Variants in MDGA2 observed in about 807,000 individuals in gnomAD.
MDGA2 encodes MAM domain containing glycosylphosphatidylinositol anchor 2.
Under a neutral mutation model 117.8 loss-of-function variants are expected in MDGA2, and 40 were observed. The observed-to-expected ratio is 0.34, with a 90% confidence interval of 0.26 to 0.44. The LOEUF is 0.44. Ranked by LOEUF, MDGA2 falls within the 20% of genes least tolerant of loss-of-function variation. The pLI, the probability that MDGA2 is intolerant of heterozygous loss-of-function variation, is 1.00. For synonymous variants in MDGA2, 452 were observed against 439.0 expected, an observed-to-expected ratio of 1.03 and a Z score of -0.37; for missense variants, 1,123 against 1,250.6, an observed-to-expected ratio of 0.90 and a Z score of 1.54.
chr14:47,211,930 TCAC>T (rs1885898330), intron 3 of MDGA2, among the ~76,000 whole-genome samples: 2 of 152,224 alleles, frequency 1.3e-5, no homozygotes, highest in Admixed American at 1.3e-4. Context: ...AATTAAATTG[TCAC>T]TTTGTCTTCT....
intron 3 of MDGA2, among the ~76,000 whole-genome samples, chr14:47,197,177 T>C (rs1386836440): frequency 6.6e-6 from 1 of 152,188 alleles, no homozygotes; most frequent in East Asian, 1.9e-4. Flanking sequence ...TTTATAAAGG[T>C]TCATTGCTGC....
chr14:47,002,210 A>C (rs536600456), intron 8 of MDGA2, among the ~76,000 whole-genome samples: 1 of 152,294 alleles, frequency 6.6e-6, no homozygotes, highest in South Asian at 2.1e-4. Context: ...AAACTTACAA[A>C]AACAAGGATA....
intron 1 of MDGA2, among the ~76,000 whole-genome samples, chr14:47,435,788 C>T (rs1892884726): frequency 6.6e-6 from 1 of 152,090 alleles, no homozygotes; most frequent in Non-Finnish European, 1.5e-5. Flanking sequence ...TCCACTCCCT[C>T]ATGACCAGGT....
intron 9 of MDGA2, among the ~76,000 whole-genome samples, chr14:46,926,325 AAAT>A (rs1346187172): frequency 6.6e-6 from 1 of 152,198 alleles, no homozygotes; most frequent in Non-Finnish European, 1.5e-5. Flanking sequence ...AAAGTATCAA[AAAT>A]AATAAAACCT....
intron 1 of MDGA2, among the ~76,000 whole-genome samples, chr14:47,339,806 C>A (rs1488019443): frequency 6.6e-6 from 1 of 152,088 alleles, no homozygotes; most frequent in African/African-American, 2.4e-5. Flanking sequence ...CACAAACAGA[C>A]TAAGACATAC....
At chr14:47,041,889 G>C (rs1040644660) in intron 7 of MDGA2, among the ~76,000 whole-genome samples, 9 of 151,876 alleles carry the variant, frequency 5.9e-5, no homozygotes, top group African/African-American at 2.2e-4. Flanking sequence ...GCTTTTAATG[G>C]AATTATTGGT....
chr14:47,086,114 G>GTTT (rs1890889449), intron 6 of MDGA2, among the ~76,000 whole-genome samples: 1 of 120,498 alleles, frequency 8.3e-6, no homozygotes, highest in Non-Finnish European at 1.9e-5. Context: ...TTTGTTTTTT[G>GTTT]TTTTTTGTTT....
At chr14:47,300,643 C>T (rs1341573177) in intron 2 of MDGA2, among the ~76,000 whole-genome samples, 1 of 151,714 alleles carries the variant, frequency 6.6e-6, no homozygotes, top group Non-Finnish European at 1.5e-5. Flanking sequence ...GTGTGCAACA[C>T]CAGGCCCAGA....
chr14:47,515,676 C>T (rs2138702391), intron 1 of MDGA2, among the ~76,000 whole-genome samples: 1 of 152,038 alleles, frequency 6.6e-6, no homozygotes, highest in South Asian at 2.1e-4. Context: ...CCACGGTGGG[C>T]AAGTCTAGAA....
intron 3 of MDGA2, among the ~76,000 whole-genome samples, chr14:47,148,573 C>T (rs747471155): frequency 1.3e-5 from 2 of 152,148 alleles, no homozygotes; most frequent in Non-Finnish European, 2.9e-5. Flanking sequence ...ATACTGATAT[C>T]CAGGTCAATC....
chr14:47,106,677 G>A (rs12431685), intron 5 of MDGA2, among the ~76,000 whole-genome samples: 61,583 of 151,326 alleles, frequency 0.41, 13,077 homozygotes, highest in African/African-American at 0.54. Flanking sequence ...CGATCGCCTC[G>A]GAAGCCCCCT....
At chr14:47,523,554 T>C (rs571955227) in intron 1 of MDGA2, among the ~76,000 whole-genome samples, 1 of 152,242 alleles carries the variant, frequency 6.6e-6, no homozygotes, top group African/African-American at 2.4e-5. Context: ...CATGGAATCT[T>C]CAGGTTGTCT....
chr14:47,619,386 AT>A (rs557840858), intron 1 of MDGA2, among the ~76,000 whole-genome samples: 112 of 152,280 alleles, frequency 7.4e-4, no homozygotes, highest in African/African-American at 2.6e-3. Flanking sequence ...TGGATAGCTT[AT>A]TTTTTTGAAT....
Position 47,119,190 on chromosome 14 carries a change from C to T in MDGA2, c.925+12524G>A, listed in dbSNP as rs6572406. Among the ~76,000 whole-genome samples, 3 of 74,686 alleles carry T rather than the reference C, an allele frequency of 4.0e-5. 1 individual carries two copies. The highest frequency in any genetic ancestry group is 6.1e-4 in the South Asian group (1 of 1,648). 49.0% of individuals were successfully genotyped at this position (74,686 alleles called of 152,430 possible). On this transcript the variant is annotated intron_variant, in intron 5 of 16. Coordinates refer to ENST00000399232, the MANE Select transcript of MDGA2 (RefSeq NM_001113498.3). ...CTCAGCCCCGCCCCCCCCCCCCCAC[C>T]CCGTAGCTGGGACTACAGGCACCCG...
intron 10 of MDGA2, among the ~76,000 whole-genome samples, chr14:46,910,762 G>A (rs1459837699): frequency 6.6e-6 from 1 of 152,174 alleles, no homozygotes; most frequent in Non-Finnish European, 1.5e-5. Flanking sequence ...ACCAATGGTA[G>A]ACTGGATAAA....
chr14:47,539,053 T>C (rs1456142219), intron 1 of MDGA2, among the ~76,000 whole-genome samples: 1 of 152,164 alleles, frequency 6.6e-6, no homozygotes, highest in Non-Finnish European at 1.5e-5. Context: ...TCCACATTTG[T>C]CTAGCCTAGT....
Position 47,202,541 on chromosome 14 carries a change from CG to C in MDGA2, c.595+15479del, listed in dbSNP as rs374688738. On this transcript the variant is annotated intron_variant, in intron 3 of 16. Transcript: ENST00000399232. ...TCCTATAACCTAGCATGCCATTTGT[CG>C]ATAGGAATTAAGAGCTGACCTTCCT... 2.6e-3 allele frequency among the ~76,000 whole-genome samples: 389 copies of C among 152,176 alleles called. 5 individuals carry two copies. The highest frequency in any genetic ancestry group is 8.9e-3 in the African/African-American group (368 of 41,522).
At chr14:47,617,279 C>A (rs900125074) in intron 1 of MDGA2, among the ~76,000 whole-genome samples, 1 of 151,498 alleles carries the variant, frequency 6.6e-6, no homozygotes, top group Non-Finnish European at 1.5e-5. Flanking sequence ...AATTTCGGCT[C>A]ACTGCAACCT....
chr14:46,869,964 C>T (rs780158928), intron 14 of MDGA2, among the ~76,000 whole-genome samples: 4 of 151,822 alleles, frequency 2.6e-5, no homozygotes, highest in Non-Finnish European at 4.4e-5. Context: ...GTGTATCCTC[C>T]CCAAACTGAG....
Sources: allele counts gnomAD v4.1 joint callset (sites outside exome capture counted in the v4.1 genomes callset), GRCh38; gene constraint gnomAD v4.1.1; transcripts MANE v1.5; gene names NCBI Gene and HGNC (gene_info 2026-07-23, HGNC 2026-07-21).